KCNJ12: variants seen among roughly 807,000 people sequenced by gnomAD.
KCNJ12 encodes ATP-sensitive inward rectifier potassium channel 12.
In KCNJ12, 2 loss-of-function variants were observed where a neutral mutation model predicts 22.3. The observed-to-expected ratio is 0.09, with a 90% CI of 0.04 to 0.28. The LOEUF (loss-of-function observed/expected upper bound fraction) is 0.28, where lower values mean the gene tolerates loss of function less well. KCNJ12 is among the 10% of genes least tolerant of loss of function. The pLI is 1.00. For missense variants in KCNJ12, 155 were observed against 633.3 expected (o/e 0.24, Z 8.11); for synonymous variants, 117 against 261.4 (o/e 0.45, Z 5.33).
chr17:21,407,204 C>A (rs1906000417), intron 1 of KCNJ12, among the ~76,000 whole-genome samples: 1 of 151,922 alleles, frequency 6.6e-6, no homozygotes, highest in African/African-American at 2.4e-5. Context: ...ACCCACCCAT[C>A]CACCCACCCA....
At chr17:21,414,634 G>T (rs1319077067) in intron 2 of KCNJ12, among the ~76,000 whole-genome samples, 1 of 152,298 alleles carries the variant, frequency 6.6e-6, no homozygotes, top group Non-Finnish European at 1.5e-5. Context: ...ATATAGCAGG[G>T]ATGGGACATG....
intron 1 of KCNJ12, among the ~76,000 whole-genome samples, chr17:21,386,191 A>G (rs1351338945): frequency 1.3e-5 from 2 of 152,168 alleles, no homozygotes; most frequent in African/African-American, 4.8e-5. Flanking sequence ...TTCCTCGCGG[A>G]GCCTCTGAGG....
chr17:21,405,216 T>A (rs1905861448), intron 1 of KCNJ12: 2 of 152,710 alleles, frequency 1.3e-5, no homozygotes, highest in South Asian at 4.1e-4. Context: ...GCCCACGTGG[T>A]GTCAGGAACG....
intron 1 of KCNJ12, among the ~76,000 whole-genome samples, chr17:21,402,574 A>C (rs1905685395): frequency 6.6e-6 from 1 of 152,306 alleles, no homozygotes; most frequent in South Asian, 2.1e-4. Flanking sequence ...TGGACTCTAC[A>C]TCTCTGAGGT....
At chr17:21,378,632 C>T (rs1252593061) in intron 1 of KCNJ12, among the ~76,000 whole-genome samples, 2 of 152,158 alleles carry the variant, frequency 1.3e-5, no homozygotes, top group African/African-American at 4.8e-5. Flanking sequence ...TGGAGGGCCG[C>T]TGTAGGCATA....
intron 1 of KCNJ12, among the ~76,000 whole-genome samples, chr17:21,395,211 C>T (rs112652625): frequency 8.6e-5 from 13 of 151,450 alleles, no homozygotes; most frequent in African/African-American, 3.2e-4. Flanking sequence ...GGGAGGATCA[C>T]CTGAGCCCAG....
intron 1 of KCNJ12, among the ~76,000 whole-genome samples, chr17:21,405,656 G>A (rs1329677422): frequency 6.6e-6 from 1 of 152,294 alleles, no homozygotes; most frequent in East Asian, 1.9e-4. Context: ...AGCCCGGCCT[G>A]TTGGCCCTCA....
Position 21,415,312 on chromosome 17 carries a change from G to A in KCNJ12, c.-31G>A, listed in dbSNP as rs782173059. 217 of 1,594,144 alleles carry A rather than the reference G, an allele frequency of 1.4e-4. No homozygotes were observed. The South Asian group carries it at 2.3e-3, about 17-fold the overall frequency. On this transcript the variant is annotated 5_prime_UTR_variant, in exon 3 of 3. Coordinates refer to ENST00000583088, the MANE Select transcript of KCNJ12 (RefSeq NM_021012.5). ...GAGCCGCCCTGCCTGGAGCTAGCCT[G>A]GGGGCGAGCCAGGGTCCCCCAACCC...
intron 1 of KCNJ12, among the ~76,000 whole-genome samples, chr17:21,395,162 G>T (rs1349653823): frequency 6.6e-6 from 1 of 152,008 alleles, no homozygotes; most frequent in Admixed American, 6.6e-5. Context: ...GGGTTTGCTG[G>T]AGCATGCCTG....
intron 1 of KCNJ12, among the ~76,000 whole-genome samples, chr17:21,391,646 C>T (rs1353142314): frequency 6.6e-6 from 1 of 152,248 alleles, no homozygotes; most frequent in African/African-American, 2.4e-5. Flanking sequence ...TTCCCCTGCA[C>T]ACTCGCTCCC....
intron 1 of KCNJ12, among the ~76,000 whole-genome samples, chr17:21,388,325 A>C (rs1905127720): frequency 6.6e-6 from 1 of 152,144 alleles, no homozygotes; most frequent in Admixed American, 6.5e-5. Context: ...GCCATACCCC[A>C]TCCCGTGCCA....
rs998987258 is a variant in KCNJ12 at position 21,387,509 on chromosome 17, G to A, written c.-179+10596G>A. Among the ~76,000 whole-genome samples the A allele has an allele frequency of 3.3e-5, 5 of 151,042 alleles. No individual in the cohort carries two copies. The East Asian group carries it at 9.7e-4, about 29-fold the overall frequency. On this transcript the variant is annotated intron_variant, in intron 1 of 2. Coordinates refer to ENST00000583088, the MANE Select transcript of KCNJ12 (RefSeq NM_021012.5). ...GAACCATACTTTGGAGACATCGAGC[G>A]CTGGGGTGAGGTGTTTTGGCATCAG... is the stretch of plus-strand genomic sequence containing the variant.
chr17:21,413,157 G>A (rs1293670488), intron 2 of KCNJ12, among the ~76,000 whole-genome samples: 4 of 127,304 alleles, frequency 3.1e-5, no homozygotes, highest in African/African-American at 7.4e-5. Flanking sequence ...CACCCGCTCC[G>A]AGGCCCAGAC....
chr17:21,383,045 A>G (rs1555558200), intron 1 of KCNJ12, among the ~76,000 whole-genome samples: 1 of 152,142 alleles, frequency 6.6e-6, no homozygotes, highest in African/African-American at 2.4e-5. Context: ...TGATGCTTCC[A>G]GGCAGCTTTT....
chr17:21,401,554 G>T (rs1264118769), intron 1 of KCNJ12, among the ~76,000 whole-genome samples: 14 of 152,324 alleles, frequency 9.2e-5, no homozygotes, highest in Admixed American at 2.0e-4. Flanking sequence ...AGGTGGAGAC[G>T]CCCTGTTCCC....
At chr17:21,387,547 CA>C (rs1905109317) in intron 1 of KCNJ12, among the ~76,000 whole-genome samples, 1 of 151,832 alleles carries the variant, frequency 6.6e-6, no homozygotes, top group Non-Finnish European at 1.5e-5. Context: ...ACCAGCAGTG[CA>C]TCCTCGGGTG....
intron 1 of KCNJ12, among the ~76,000 whole-genome samples, chr17:21,384,426 C>T (rs1362283318): frequency 1.3e-5 from 2 of 152,144 alleles, no homozygotes; most frequent in Non-Finnish European, 2.9e-5. Context: ...GAGTCCTCGC[C>T]TGGGTGCCTC....
At chr17:21,383,374 G>A (rs1276328912) in intron 1 of KCNJ12, among the ~76,000 whole-genome samples, 1 of 151,974 alleles carries the variant, frequency 6.6e-6, no homozygotes, top group Non-Finnish European at 1.5e-5. Context: ...GGCCAAGCCA[G>A]GCTTCCATTC....
At chr17:21,384,393 G>A (rs1597554704) in intron 1 of KCNJ12, among the ~76,000 whole-genome samples, 1 of 152,172 alleles carries the variant, frequency 6.6e-6, no homozygotes, top group South Asian at 2.1e-4. Context: ...GCAGGATTTG[G>A]TTTAAGTACC....
Sources: allele counts gnomAD v4.1 joint callset (sites outside exome capture counted in the v4.1 genomes callset), GRCh38; gene constraint gnomAD v4.1.1; transcripts MANE v1.5; gene names NCBI Gene and HGNC (gene_info 2026-07-23, HGNC 2026-07-21).